Variants in UBE2E3 observed in about 807,000 individuals in gnomAD.
UBE2E3 encodes the protein ubiquitin conjugating enzyme E2 E3.
Under a neutral mutation model 23.6 loss-of-function variants are expected in UBE2E3, and 5 were observed. That is an observed-to-expected ratio of 0.21 (90% CI 0.11 to 0.44). The LOEUF is 0.44. Ranked by LOEUF, UBE2E3 falls within the 20% of genes least tolerant of loss-of-function variation. The probability of loss-of-function intolerance (pLI) is 0.99; values close to 1 mark genes in which losing one functional copy is unlikely to be tolerated. For missense variants in UBE2E3, 81 were observed against 249.8 expected (o/e 0.32, Z 4.55); for synonymous variants, 78 against 87.5 (o/e 0.89, Z 0.60).
chr2:180,997,637 A>G (rs939935464), intron 3 of UBE2E3, among the ~76,000 whole-genome samples: 1 of 152,070 alleles, frequency 6.6e-6, no homozygotes, highest in Non-Finnish European at 1.5e-5. Flanking sequence ...TATCAAAAGT[A>G]CCTGCATTTA....
chr2:181,018,412 A>G (rs140524466), intron 3 of UBE2E3, among the ~76,000 whole-genome samples: 1 of 151,802 alleles, frequency 6.6e-6, no homozygotes, highest in Non-Finnish European at 1.5e-5. Flanking sequence ...TAATATTTTT[A>G]TCTGTGTATA....
At chr2:181,008,399 A>G (rs1685215636) in intron 3 of UBE2E3, among the ~76,000 whole-genome samples, 1 of 152,218 alleles carries the variant, frequency 6.6e-6, no homozygotes, top group Non-Finnish European at 1.5e-5. Flanking sequence ...GGTGAAAGCA[A>G]GATTTGAAAT....
chr2:181,011,618 T>C (rs1685330783), intron 3 of UBE2E3, among the ~76,000 whole-genome samples: 1 of 152,206 alleles, frequency 6.6e-6, no homozygotes, highest in Admixed American at 6.5e-5. Flanking sequence ...AACGATGGTA[T>C]AGAAGTGCCA....
chr2:181,029,775 A>G (rs1307689692), intron 3 of UBE2E3, among the ~76,000 whole-genome samples: 1 of 136,658 alleles, frequency 7.3e-6, no homozygotes, highest in Non-Finnish European at 1.6e-5. Context: ...TAAACTTGTC[A>G]TCTTTAATAT....
intron 2 of UBE2E3, among the ~76,000 whole-genome samples, chr2:180,983,732 G>C (rs527832792): frequency 6.6e-6 from 1 of 152,284 alleles, no homozygotes; most frequent in East Asian, 1.9e-4. Flanking sequence ...CTTGAAAAGA[G>C]AATTTCTTTG....
chr2:181,016,880 A>G (rs1019783516), intron 3 of UBE2E3, among the ~76,000 whole-genome samples: 13 of 152,232 alleles, frequency 8.5e-5, no homozygotes, highest in African/African-American at 2.9e-4. Context: ...TGGGGTGGAT[A>G]TATATGAAAG....
intron 3 of UBE2E3, among the ~76,000 whole-genome samples, chr2:180,999,002 A>C (rs2105588294): frequency 6.6e-6 from 1 of 152,276 alleles, no homozygotes; most frequent in Non-Finnish European, 1.5e-5. Context: ...TAAATGTCCC[A>C]TGTGTCTTTT....
In UBE2E3 at chr2:181,057,888, G is replaced by C. The variant is rs552850659; in HGVS notation, c.378+63G>C. The C allele has an allele frequency of 4.6e-6, 7 of 1,512,602 alleles. No homozygotes were observed. The African/African-American group carries it at 9.7e-5, about 21-fold the overall frequency. The allele number at this position is 1,512,602 out of a possible 1,614,324, so 93.7% of individuals were successfully genotyped here. On this transcript the variant is annotated intron_variant, in intron 4 of 5. Transcript: ENST00000410062. ...TTCTCCTCTAAAATCGGTTATTCTA[G>C]AACTTAAATGTGTATTGATGCAGTT...
intron 3 of UBE2E3, among the ~76,000 whole-genome samples, chr2:181,003,692 T>C (rs1685054954): frequency 6.6e-6 from 1 of 152,224 alleles, no homozygotes; most frequent in African/African-American, 2.4e-5. Flanking sequence ...AACCAGACTG[T>C]ATTTTCTAAG....
chr2:181,057,548 A>T, intron 3 of UBE2E3, 145 bp from the exon 4 acceptor site: 1 of 615,352 alleles, frequency 1.6e-6, no homozygotes, highest in Non-Finnish European at 2.7e-6. Flanking sequence ...GCACATGCAA[A>T]CACATTGGGG....
At chr2:180,991,111 C>T (rs1483576948) in intron 3 of UBE2E3, among the ~76,000 whole-genome samples, 1 of 151,766 alleles carries the variant, frequency 6.6e-6, no homozygotes. Context: ...AGGGTTGCTA[C>T]CAAATTATTT....
chr2:181,051,423 C>T (rs1686842449), intron 3 of UBE2E3, among the ~76,000 whole-genome samples: 1 of 151,730 alleles, frequency 6.6e-6, no homozygotes, highest in East Asian at 1.9e-4. Context: ...TACTGAGTTG[C>T]AGCTTAATCC....
intron 3 of UBE2E3, among the ~76,000 whole-genome samples, chr2:181,037,606 C>T (rs1233083489): frequency 6.6e-6 from 1 of 152,002 alleles, no homozygotes. Flanking sequence ...TACAGCTATA[C>T]ACTGTGTTTG....
intron 3 of UBE2E3, among the ~76,000 whole-genome samples, chr2:181,019,329 T>C (rs1685602059): frequency 6.6e-6 from 1 of 152,224 alleles, no homozygotes; most frequent in Non-Finnish European, 1.5e-5. Context: ...CATTGGAACA[T>C]GTTCAGCCGG....
At chr2:181,055,002 G>A (rs1686949245) in intron 3 of UBE2E3, among the ~76,000 whole-genome samples, 1 of 151,734 alleles carries the variant, frequency 6.6e-6, no homozygotes, top group African/African-American at 2.4e-5. Context: ...GTCAAATGTT[G>A]CTGGACCAGT....
intron 3 of UBE2E3, among the ~76,000 whole-genome samples, chr2:181,011,207 A>G (rs1467017573): frequency 2.0e-5 from 3 of 152,064 alleles, no homozygotes; most frequent in Admixed American, 2.0e-4. Flanking sequence ...AATGGACAAA[A>G]TTATTTGACT....
chr2:181,049,174 G>A (rs1686755183), intron 3 of UBE2E3, among the ~76,000 whole-genome samples: 1 of 152,046 alleles, frequency 6.6e-6, no homozygotes, highest in African/African-American at 2.4e-5. Flanking sequence ...CTTTTTGAGT[G>A]TAGGTATTTT....
intron 3 of UBE2E3, among the ~76,000 whole-genome samples, chr2:181,013,055 GGACTCAAGTAATCCT>G: frequency 6.6e-6 from 1 of 152,098 alleles, no homozygotes; most frequent in East Asian, 1.9e-4. Context: ...TTGAATTCCT[GGACTCAAGTAATCCT>G]CCCACCTCAG....
chr2:181,004,206 T>C (rs920483932), intron 3 of UBE2E3, among the ~76,000 whole-genome samples: 1 of 152,256 alleles, frequency 6.6e-6, no homozygotes, highest in African/African-American at 2.4e-5. Context: ...AAAGCAACTT[T>C]CAGAAATTAT....
Sources: allele counts gnomAD v4.1 joint callset (sites outside exome capture counted in the v4.1 genomes callset), GRCh38; gene constraint gnomAD v4.1.1; transcripts MANE v1.5; gene names NCBI Gene and HGNC (gene_info 2026-07-23, HGNC 2026-07-21).